Variants in HDAC4 observed in about 807,000 individuals in gnomAD.
HDAC4 encodes histone deacetylase A.
In HDAC4, 16 loss-of-function variants were observed where a neutral mutation model predicts 135.1. The observed-to-expected ratio is 0.12, with a 90% CI of 0.08 to 0.18. The LOEUF (loss-of-function observed/expected upper bound fraction) is 0.18. HDAC4 is among the 10% of genes least tolerant of loss of function. The pLI, the probability that HDAC4 is intolerant of heterozygous loss-of-function variation, is 1.00. For missense variants in HDAC4, 1,143 were observed against 1,511.8 expected (o/e 0.76, Z 4.05); for synonymous variants, 685 against 653.4 (o/e 1.05, Z -0.74).
chr2:239,175,516 G>T (rs2043706187), intron 5 of HDAC4, among the ~76,000 whole-genome samples: 1 of 152,198 alleles, frequency 6.6e-6, no homozygotes, highest in Admixed American at 6.5e-5. Context: ...TGTTCTCCTG[G>T]ATAGTATGAA....
chr2:239,115,128 C>T lies in HDAC4; in HGVS notation c.1716G>A (p.Glu572=). 6.2e-7 allele frequency: 1 copy of T among 1,611,906 alleles called. No homozygotes were observed. The highest frequency in any genetic ancestry group is 2.2e-5 in the East Asian group (1 of 44,880). ...CCTCCCGTGGGGGCTCTGCCTCTTC[C>T]TCATCGCTCTCAATGGGCTCCTGCT... is the stretch of plus-strand genomic sequence containing the variant. The part of the protein sequence containing the change: ...QVKQEPIESD[E]EEAEPPREVE... Residue 572 remains glutamate (E), a synonymous_variant, in exon 13 of 27, where the codon GAG becomes GAA. Coordinates refer to ENST00000543185, the MANE Select transcript of HDAC4 (RefSeq NM_001378414.1). The surrounding 1 kb of genome is among the most constrained non-coding windows in gnomAD (Gnocchi z 6.3).
chr2:239,158,148 T>C (rs555735414), intron 6 of HDAC4, among the ~76,000 whole-genome samples: 55 of 152,226 alleles, frequency 3.6e-4, no homozygotes, highest in Non-Finnish European at 5.7e-4. Context: ...TTCCCTGTAG[T>C]TCTACCCCTC....
chr2:239,392,974 A>G (rs1461233017), intron 1 of HDAC4, among the ~76,000 whole-genome samples: 2 of 151,638 alleles, frequency 1.3e-5, no homozygotes, highest in African/African-American at 2.4e-5. Context: ...TTCTACACAG[A>G]CTCCTGGCAG....
At chr2:239,064,958 T>A (rs1002686571) in intron 24 of HDAC4, among the ~76,000 whole-genome samples, 1 of 152,192 alleles carries the variant, frequency 6.6e-6, no homozygotes, top group Non-Finnish European at 1.5e-5. Context: ...GAACGATGCC[T>A]GCACACCAGA....
At chr2:239,054,878 AC>A (rs757358269) in intron 24 of HDAC4, 45 bp from the exon 25 acceptor site, 5 of 1,294,508 alleles carry the variant, frequency 3.9e-6, no homozygotes, top group African/African-American at 1.5e-5. Context: ...AATATAATCC[AC>A]ACGTGCGTTA....
chr2:239,145,590 C>A (rs749772391), intron 7 of HDAC4, among the ~76,000 whole-genome samples: 6 of 152,234 alleles, frequency 3.9e-5, no homozygotes, highest in Non-Finnish European at 7.3e-5. Flanking sequence ...CTTTCAGAGT[C>A]CAGAACAGAG....
At chr2:239,101,413 G>C (rs1219771951) in intron 16 of HDAC4, among the ~76,000 whole-genome samples, 2 of 152,322 alleles carry the variant, frequency 1.3e-5, no homozygotes, top group East Asian at 3.9e-4. Flanking sequence ...TAGGAGTGCA[G>C]GTCTCTGTGA....
intron 18 of HDAC4, among the ~76,000 whole-genome samples, chr2:239,089,409 C>T (rs1262465360): frequency 6.6e-6 from 1 of 152,178 alleles, no homozygotes; most frequent in Admixed American, 6.5e-5. Flanking sequence ...CTCGCCGCAA[C>T]CTCCACCTCC....
intron 4 of HDAC4, among the ~76,000 whole-genome samples, chr2:239,177,286 G>A (rs1012861097): frequency 6.6e-6 from 1 of 152,184 alleles, no homozygotes; most frequent in African/African-American, 2.4e-5. Flanking sequence ...CTCCAGATCC[G>A]CACATTCCAC....
intron 25 of HDAC4, among the ~76,000 whole-genome samples, chr2:239,053,934 C>A (rs1371871170): frequency 1.3e-5 from 2 of 152,084 alleles, no homozygotes; most frequent in African/African-American, 4.8e-5. Context: ...CAGGGGGCTG[C>A]CAGCCTGCTG....
At chr2:239,168,294 G>T (rs1263236013) in intron 5 of HDAC4, among the ~76,000 whole-genome samples, 1 of 152,164 alleles carries the variant, frequency 6.6e-6, no homozygotes, top group African/African-American at 2.4e-5. Context: ...CACACTGCTC[G>T]GGCCGAGTCC....
chr2:239,087,469 C>G (rs1249510425), intron 19 of HDAC4, 90 bp downstream of exon 19: 1 of 1,296,056 alleles, frequency 7.7e-7, no homozygotes. Flanking sequence ...CAGCCCAGCT[C>G]CCCGCAGTCA....
At chr2:239,383,802 G>A (rs1047028598) in intron 1 of HDAC4, among the ~76,000 whole-genome samples, 10 of 152,344 alleles carry the variant, frequency 6.6e-5, no homozygotes, top group African/African-American at 2.4e-4. Context: ...AGACTGGAAA[G>A]TGAGAAAAAT....
intron 22 of HDAC4, among the ~76,000 whole-genome samples, chr2:239,080,129 A>AAC (rs759055206): frequency 6.8e-6 from 1 of 147,924 alleles, no homozygotes; most frequent in East Asian, 1.9e-4. Context: ...GACCCACACA[A>AAC]ACACACACAC....
intron 2 of HDAC4, among the ~76,000 whole-genome samples, chr2:239,272,823 T>C (rs1372119023): frequency 6.6e-6 from 1 of 152,150 alleles, no homozygotes; most frequent in African/African-American, 2.4e-5. Flanking sequence ...GCAGAGGGGC[T>C]CACCTCTGTA....
intron 4 of HDAC4, among the ~76,000 whole-genome samples, chr2:239,179,985 A>G (rs1192081116): frequency 6.6e-6 from 1 of 152,022 alleles, no homozygotes; most frequent in Non-Finnish European, 1.5e-5. Context: ...GGTAACTGTG[A>G]GCGTGCAAGG....
At chr2:239,067,529 G>C (rs542589826) in intron 23 of HDAC4, among the ~76,000 whole-genome samples, 2 of 152,374 alleles carry the variant, frequency 1.3e-5, no homozygotes, top group East Asian at 1.9e-4. Context: ...CAGGGGCTTC[G>C]AGGCAGCTGT....
intron 1 of HDAC4, among the ~76,000 whole-genome samples, chr2:239,372,022 C>T (rs925845336): frequency 2.0e-5 from 3 of 152,198 alleles, no homozygotes; most frequent in African/African-American, 4.8e-5. Context: ...GGGCAGGGCG[C>T]GTGGGTGGCT....
chr2:239,079,757 CAG>C (rs1158045512), intron 22 of HDAC4, among the ~76,000 whole-genome samples: 9 of 152,152 alleles, frequency 5.9e-5, no homozygotes, highest in East Asian at 5.8e-4. Flanking sequence ...CACACACACA[CAG>C]AGATATACAC....
Sources: allele counts gnomAD v4.1 joint callset (sites outside exome capture counted in the v4.1 genomes callset), GRCh38; gene constraint gnomAD v4.1.1; non-coding constraint Gnocchi (gnomAD v3.1); transcripts MANE v1.5; gene names NCBI Gene and HGNC (gene_info 2026-07-23, HGNC 2026-07-21).